Variants in STT3B observed in about 807,000 individuals in gnomAD.
STT3B encodes the protein STT3 oligosaccharyltransferase complex catalytic subunit B, also known as dolichyl-diphosphooligosaccharide--protein glycosyltransferase subunit STT3B.
In STT3B, 29 loss-of-function variants were observed where a neutral mutation model predicts 96.8. That is an observed-to-expected ratio of 0.30 (90% CI 0.22 to 0.41). STT3B has a LOEUF of 0.41. STT3B is among the 10% of genes least tolerant of loss of function. The pLI, the probability that STT3B is intolerant of heterozygous loss-of-function variation, is 1.00. For synonymous variants in STT3B, 367 were observed against 360.0 expected, an observed-to-expected ratio of 1.02 and a Z score of -0.22; for missense variants, 640 against 1,022.3, an observed-to-expected ratio of 0.63 and a Z score of 5.10.
At chr3:31,574,270 T>C (rs1180533369) in intron 1 of STT3B, among the ~76,000 whole-genome samples, 2 of 152,180 alleles carry the variant, frequency 1.3e-5, no homozygotes, top group Non-Finnish European at 2.9e-5. Context: ...TTTATGAGCT[T>C]ATCTGGGTAG....
intron 1 of STT3B, among the ~76,000 whole-genome samples, chr3:31,547,570 C>T (rs1697447045): frequency 6.6e-6 from 1 of 152,122 alleles, no homozygotes; most frequent in Admixed American, 6.6e-5. Flanking sequence ...TGCATGAACC[C>T]TGGAGGCGGA....
intron 3 of STT3B, among the ~76,000 whole-genome samples, chr3:31,594,806 A>T (rs564155939): frequency 6.6e-6 from 1 of 152,286 alleles, no homozygotes; most frequent in South Asian, 2.1e-4. Flanking sequence ...ATTATGAAAG[A>T]TACCCTAAAT....
chr3:31,579,289 G>A (rs1698328379), intron 2 of STT3B, among the ~76,000 whole-genome samples: 1 of 151,304 alleles, frequency 6.6e-6, no homozygotes, highest in African/African-American at 2.4e-5. Flanking sequence ...TCTTTTCCTT[G>A]CTTACTTTCC....
chr3:31,588,410 G>T (rs1350201563), intron 3 of STT3B, among the ~76,000 whole-genome samples: 2 of 151,956 alleles, frequency 1.3e-5, no homozygotes, highest in Non-Finnish European at 2.9e-5. Flanking sequence ...TAATTTGTGA[G>T]AATTATGTAA....
intron 1 of STT3B, among the ~76,000 whole-genome samples, chr3:31,549,637 T>G (rs1697502208): frequency 6.6e-6 from 1 of 152,224 alleles, no homozygotes; most frequent in Non-Finnish European, 1.5e-5. Flanking sequence ...ATTATGTATT[T>G]CTATATCTAA....
chr3:31,550,713 T>A (rs1187071429), intron 1 of STT3B, among the ~76,000 whole-genome samples: 2 of 152,220 alleles, frequency 1.3e-5, no homozygotes, highest in South Asian at 4.1e-4. Flanking sequence ...ATTGGCTATG[T>A]TTAATGTGAT....
In STT3B at chr3:31,533,023, A is replaced by G. The variant is rs917752594; in HGVS notation, c.25A>G (p.Ser9Gly). The G allele has an allele frequency of 1.3e-6, 2 of 1,588,576 alleles. No homozygotes were observed. Among genetic ancestry groups the G allele is most frequent in the African/African-American group, 2.8e-5 (2 of 71,384 alleles). ...CATGGCGGAGCCCTCGGCCCCGGAG[A>G]GCAAGCACAAGTCGTCCCTCAACTC... MAEPSAPE[S>G]KHKSSLNSSP... Residue 9 changes from serine to glycine, a missense_variant, in exon 1 of 16, where the codon AGC becomes GGC. Coordinates refer to ENST00000295770, the MANE Select transcript of STT3B (RefSeq NM_178862.3).
At chr3:31,594,333 A>C (rs1054730036) in intron 3 of STT3B, among the ~76,000 whole-genome samples, 1 of 152,080 alleles carries the variant, frequency 6.6e-6, no homozygotes, top group Non-Finnish European at 1.5e-5. Context: ...CCTGTCCCCA[A>C]GACACTGTCC....
chr3:31,615,117 T>C lies in STT3B; in HGVS notation c.890T>C (p.Phe297Ser). The C allele has an allele frequency of 6.2e-7, 1 of 1,607,922 alleles. No homozygotes were observed. Residue 297 changes from phenylalanine to serine, a missense_variant, in exon 6 of 16, where the codon TTC becomes TCC. Around this residue, in one of 8 missense-constraint regions of STT3B, gnomAD observed 267 missense variants for 388.3 expected, o/e 0.69. Transcript: ENST00000295770. ...TTTGTCTTTATAGCATATAGCACTT[T>C]CTACATTGTGGGTTTAATATTATCA... is the stretch of plus-strand genomic sequence containing the variant. ...SKRVYIAYST[F>S]YIVGLILSMQ... is the part of the protein sequence containing the mutation.
chr3:31,539,493 T>C (rs1697201166), intron 1 of STT3B, among the ~76,000 whole-genome samples: 1 of 152,158 alleles, frequency 6.6e-6, no homozygotes, highest in South Asian at 2.1e-4. Flanking sequence ...CCAAAGTCTG[T>C]TCCTCTTACC....
At chr3:31,536,206 G>A (rs773053496) in intron 1 of STT3B, among the ~76,000 whole-genome samples, 23 of 150,088 alleles carry the variant, frequency 1.5e-4, no homozygotes, top group Non-Finnish European at 3.1e-4. Context: ...ATTACTTTGG[G>A]CTTTTAAAGC....
chr3:31,593,738 A>AG (rs1698721317), intron 3 of STT3B, among the ~76,000 whole-genome samples: 1 of 151,254 alleles, frequency 6.6e-6, no homozygotes, highest in Admixed American at 6.6e-5. Flanking sequence ...TCACATGTAT[A>AG]GGAGAATATG....
chr3:31,575,148 G>T (rs879572519), intron 1 of STT3B, among the ~76,000 whole-genome samples: 2 of 152,084 alleles, frequency 1.3e-5, no homozygotes, highest in Non-Finnish European at 2.9e-5. Flanking sequence ...GTTAATCCCT[G>T]TTTTACAAAT....
intron 1 of STT3B, among the ~76,000 whole-genome samples, chr3:31,548,330 A>G (rs1697465813): frequency 6.6e-6 from 1 of 151,108 alleles, no homozygotes; most frequent in Admixed American, 6.6e-5. Context: ...GCCATTTAAA[A>G]CAGGGAAAAA....
At chr3:31,557,826 G>A (rs1697759981) in intron 1 of STT3B, among the ~76,000 whole-genome samples, 1 of 152,048 alleles carries the variant, frequency 6.6e-6, no homozygotes, top group Admixed American at 6.6e-5. Flanking sequence ...TAGAGACAGG[G>A]TTTCACTGTT....
At chr3:31,634,073 GA>G (rs1699715379) in intron 15 of STT3B, among the ~76,000 whole-genome samples, 1 of 152,130 alleles carries the variant, frequency 6.6e-6, no homozygotes. Context: ...TATGTAAATG[GA>G]AGCTTTTTAT....
intron 3 of STT3B, among the ~76,000 whole-genome samples, chr3:31,591,851 T>C (rs1040470435): frequency 2.6e-5 from 4 of 152,188 alleles, no homozygotes; most frequent in African/African-American, 9.6e-5. Flanking sequence ...CCATTTTTTA[T>C]AATTTCCTTT....
chr3:31,576,436 T>G lies in STT3B; in HGVS notation c.355T>G (p.Phe119Val), dbSNP rs772938941. 2.5e-6 allele frequency: 4 copies of G among 1,606,120 alleles called. No homozygotes were observed. The South Asian group carries it at 4.4e-5, about 18-fold the overall frequency. The change falls in exon 2 of 16, where the codon TTC becomes GTC. Residue 119 changes from phenylalanine (F) to valine (V), a missense_variant. Phe to Val is a conservative substitution (Grantham distance 50). Transcript: ENST00000295770. ...AACACATCATCTTGCATCTCATGGG[T>G]TCTATGAATTTTTAAATTGGTTTGA... The part of the protein sequence containing the change: ...RSTHHLASHG[F>V]YEFLNWFDER...
At chr3:31,568,661 T>A (rs1575418071) in intron 1 of STT3B, among the ~76,000 whole-genome samples, 1 of 152,198 alleles carries the variant, frequency 6.6e-6, no homozygotes, top group East Asian at 1.9e-4. Flanking sequence ...AGAGATATAA[T>A]TTTTTTTAAC....
Sources: allele counts gnomAD v4.1 joint callset (sites outside exome capture counted in the v4.1 genomes callset), GRCh38; gene constraint gnomAD v4.1.1; regional missense constraint gnomAD v4.1.1; transcripts MANE v1.5; gene names NCBI Gene and HGNC (gene_info 2026-07-23, HGNC 2026-07-21).